The following DSCAM variants were observed in gnomAD, a reference collection of about 807,000 sequenced individuals.
The protein encoded by DSCAM is cell adhesion molecule DSCAM.
DSCAM carries 47 observed loss-of-function variants against 217.7 expected under a neutral mutation model. The ratio of observed to expected loss-of-function variants is 0.22; its 90% CI spans 0.17 to 0.28. The LOEUF (loss-of-function observed/expected upper bound fraction) is 0.28. Ranked by LOEUF, DSCAM falls within the 10% of genes least tolerant of loss-of-function variation. The pLI is 1.00. For synonymous variants in DSCAM, 1,056 were observed against 1,015.3 expected, an observed-to-expected ratio of 1.04 and a Z score of -0.76; for missense variants, 2,080 against 2,618.3, an observed-to-expected ratio of 0.79 and a Z score of 4.49.
chr21:40,556,256 T>C (rs1207812899), intron 3 of DSCAM, among the ~76,000 whole-genome samples: 1 of 152,186 alleles, frequency 6.6e-6, no homozygotes, highest in African/African-American at 2.4e-5. Flanking sequence ...AATATATGTA[T>C]AAATTTTGAC....
intron 9 of DSCAM, among the ~76,000 whole-genome samples, chr21:40,302,439 T>G (rs543321288): frequency 6.6e-6 from 1 of 152,326 alleles, no homozygotes; most frequent in Non-Finnish European, 1.5e-5. Flanking sequence ...TGTGGAACTG[T>G]GAGTCCATTA....
At chr21:40,773,683 C>T (rs1216212834) in intron 1 of DSCAM, among the ~76,000 whole-genome samples, 1 of 152,208 alleles carries the variant, frequency 6.6e-6, no homozygotes, top group African/African-American at 2.4e-5. Flanking sequence ...GCACAGGCCC[C>T]TGATTTTCCC....
chr21:40,481,722 C>A (rs189989166), intron 3 of DSCAM, among the ~76,000 whole-genome samples: 28 of 152,218 alleles, frequency 1.8e-4, no homozygotes, highest in Admixed American at 1.6e-3. Flanking sequence ...CTATATTCAA[C>A]TGTGGAAACA....
intron 3 of DSCAM, among the ~76,000 whole-genome samples, chr21:40,577,276 C>T (rs1014414183): frequency 2.0e-5 from 3 of 149,934 alleles, no homozygotes; most frequent in Admixed American, 1.3e-4. Flanking sequence ...TATTAGCCGG[C>T]GACCAGGCCG....
chr21:40,187,046 G>A (rs867317217), intron 14 of DSCAM, 85 bp downstream of exon 14: 16 of 1,532,366 alleles, frequency 1.0e-5, no homozygotes, highest in Middle Eastern at 1.8e-4. Context: ...TGAGCTGTGC[G>A]CTTACAGGTA....
chr21:40,170,044 T>C (rs1341063281), intron 15 of DSCAM, among the ~76,000 whole-genome samples: 1 of 152,144 alleles, frequency 6.6e-6, no homozygotes, highest in Admixed American at 6.5e-5. Flanking sequence ...ACCCTAGTAA[T>C]TTTCTGCTCC....
intron 3 of DSCAM, among the ~76,000 whole-genome samples, chr21:40,600,320 G>A (rs1022931833): frequency 2.0e-5 from 3 of 152,046 alleles, no homozygotes; most frequent in Admixed American, 6.6e-5. Context: ...TGTCTTGTGT[G>A]GAGCTGCTTT....
chr21:40,773,239 C>CACATGT (rs1408369670), intron 1 of DSCAM, among the ~76,000 whole-genome samples: 12 of 152,206 alleles, frequency 7.9e-5, no homozygotes, highest in African/African-American at 2.9e-4. Flanking sequence ...AACAAACTTC[C>CACATGT]ACATGTCTGG....
intron 4 of DSCAM, among the ~76,000 whole-genome samples, chr21:40,364,183 T>C (rs1205879807): frequency 2.6e-5 from 4 of 152,198 alleles, no homozygotes; most frequent in African/African-American, 7.2e-5. Flanking sequence ...ACTGGGTATA[T>C]ACCCAAAGTA....
intron 19 of DSCAM, among the ~76,000 whole-genome samples, chr21:40,125,240 G>A (rs978947440): frequency 6.6e-6 from 1 of 152,194 alleles, no homozygotes; most frequent in East Asian, 1.9e-4. Context: ...CATGATTTGG[G>A]AGTGAGATTG....
intron 3 of DSCAM, among the ~76,000 whole-genome samples, chr21:40,442,238 T>C (rs1327972143): frequency 2.0e-5 from 3 of 152,114 alleles, no homozygotes; most frequent in East Asian, 3.9e-4. Flanking sequence ...ATGTAAAATA[T>C]CTGTGTATAT....
chr21:40,333,444 A>C lies in DSCAM; in HGVS notation c.1783+4657T>G, dbSNP rs562912826. On this transcript the variant is annotated intron_variant, in intron 8 of 32. Transcript: ENST00000400454. ...CAGTGGTGCTATCTTGGCTCACTGC[A>C]AACTCCGCCTCCTGGGTTCAAGCCA... is the stretch of plus-strand genomic sequence containing the variant. Among the ~76,000 whole-genome samples, 225 of 152,258 alleles carry C rather than the reference A, an allele frequency of 1.5e-3. 1 individual carries two copies. The highest frequency in any genetic ancestry group is 5.2e-3 in the African/African-American group (216 of 41,560).
intron 3 of DSCAM, among the ~76,000 whole-genome samples, chr21:40,599,869 A>G (rs1292185169): frequency 6.6e-6 from 1 of 152,180 alleles, no homozygotes; most frequent in Non-Finnish European, 1.5e-5. Flanking sequence ...AAATGGATAA[A>G]TTCCTGGACA....
intron 10 of DSCAM, among the ~76,000 whole-genome samples, chr21:40,287,274 A>G (rs2073840583): frequency 6.6e-6 from 1 of 152,238 alleles, no homozygotes; most frequent in Non-Finnish European, 1.5e-5. Flanking sequence ...ACTGCTGAGG[A>G]AGGGACTGAC....
intron 3 of DSCAM, among the ~76,000 whole-genome samples, chr21:40,552,381 C>G (rs1487099220): frequency 6.6e-6 from 1 of 152,110 alleles, no homozygotes; most frequent in African/African-American, 2.4e-5. Flanking sequence ...CTTGGGTTCA[C>G]AGAGGGAGTT....
chr21:40,012,905 C>CTT lies in DSCAM; in HGVS notation c.*128_*129insAA, dbSNP rs2146401641. 4 of 614,928 alleles carry CTT rather than the reference C, an allele frequency of 6.5e-6. No individual in the cohort carries two copies. In the South Asian group the frequency reaches 1.8e-4, roughly 28 times the overall value. The allele number at this position is 614,928 out of a possible 1,614,324, so 38.1% of individuals were successfully genotyped here. On this transcript the variant is annotated 3_prime_UTR_variant, in exon 33 of 33. Coordinates refer to ENST00000400454, the MANE Select transcript of DSCAM (RefSeq NM_001389.5). ...GCACTGTCTGTGGTTTCAGTATTTTCTCTTTTTTTTTTTTAATATATTTTG... is the reference window on the plus strand; with the variant it reads ...GCACTGTCTGTGGTTTCAGTATTTTCTTTCTTTTTTTTTTTTAATATATTTTG...
At position 40,616,777 on chromosome 21, in the gene DSCAM, G is replaced by A. The variant is rs1001553382; in HGVS notation, c.508+76033C>T. On this transcript the variant is annotated intron_variant, in intron 3 of 32. Transcript: ENST00000400454. ...TCACGCCTGTAATCCCAGCACTTTG[G>A]GAGGCCGAGGCGAGCGGATCACGAG... Among the ~76,000 whole-genome samples, 12 of 152,206 alleles carry A rather than the reference G, an allele frequency of 7.9e-5. No homozygotes were observed. In the South Asian group the frequency reaches 8.3e-4, roughly 11 times the overall value.
intron 32 of DSCAM, among the ~76,000 whole-genome samples, chr21:40,014,124 C>T (rs1461831381): frequency 6.6e-6 from 1 of 152,228 alleles, no homozygotes; most frequent in Non-Finnish European, 1.5e-5. Flanking sequence ...CACGGTGTGC[C>T]TCATGCCTGT....
chr21:40,461,599 C>A (rs780655279), intron 3 of DSCAM, among the ~76,000 whole-genome samples: 18 of 152,146 alleles, frequency 1.2e-4, no homozygotes, highest in Non-Finnish European at 2.4e-4. Context: ...CCCACAAATA[C>A]GTTTGCATCC....
Sources: gnomAD v4.1 joint callset for allele counts (sites outside exome capture counted in the v4.1 genomes callset) on GRCh38, gnomAD v4.1.1 for gene constraint, MANE v1.5 for transcripts, NCBI Gene and HGNC (gene_info 2026-07-23, HGNC 2026-07-21) for gene names.